The following AJAP1 variants were observed in gnomAD, a reference collection of about 807,000 sequenced individuals.
The protein encoded by AJAP1 is adherens junction-associated protein 1.
A neutral mutation model predicts 35.0 loss-of-function variants in AJAP1; 5 were observed. That is an observed-to-expected ratio of 0.14 (90% CI 0.07 to 0.30). AJAP1 has a LOEUF of 0.30. Ranked by LOEUF, AJAP1 falls within the 10% of genes least tolerant of loss-of-function variation. The pLI, the probability that AJAP1 is intolerant of heterozygous loss-of-function variation, is 1.00. For synonymous variants in AJAP1, 284 were observed against 249.3 expected, an observed-to-expected ratio of 1.14 and a Z score of -1.31; for missense variants, 586 against 571.0, an observed-to-expected ratio of 1.03 and a Z score of -0.27.
Position 4,784,245 on chromosome 1 carries a change from G to A in AJAP1, c.*1760G>A, listed in dbSNP as rs552016059. 6.6e-6 allele frequency: 1 copy of A among 152,294 alleles called. No individual in the cohort carries two copies. 9.4% of individuals were successfully genotyped at this position (152,294 alleles called of 1,614,324 possible). The stretch of plus-strand genomic sequence containing the variant: ...TGGTGCCCCAGACTTGCTGTCAACA[G>A]CGGGTGCTGTAGGGATCTAGGGATG... On this transcript the variant is annotated 3_prime_UTR_variant, in exon 6 of 6. Coordinates refer to ENST00000378191, the MANE Select transcript of AJAP1 (RefSeq NM_018836.4).
At chr1:4,753,815 G>A (rs1239320027) in intron 2 of AJAP1, among the ~76,000 whole-genome samples, 10 of 152,220 alleles carry the variant, frequency 6.6e-5, no homozygotes, top group East Asian at 1.9e-4. Flanking sequence ...CAGGTGATCC[G>A]CCCACCTCAG....
At chr1:4,669,598 T>C (rs1639207447) in intron 1 of AJAP1, among the ~76,000 whole-genome samples, 1 of 152,178 alleles carries the variant, frequency 6.6e-6, no homozygotes, top group Non-Finnish European at 1.5e-5. Flanking sequence ...GGTCCCGCCC[T>C]TGATTGTGGG....
At chr1:4,769,364 C>A (rs942564919) in intron 2 of AJAP1, among the ~76,000 whole-genome samples, 1 of 152,174 alleles carries the variant, frequency 6.6e-6, no homozygotes, top group East Asian at 1.9e-4. Flanking sequence ...CCCATCCTGG[C>A]TCCCCCTGGG....
At chr1:4,738,653 C>A (rs377231567) in intron 2 of AJAP1, among the ~76,000 whole-genome samples, 1 of 152,122 alleles carries the variant, frequency 6.6e-6, no homozygotes, top group South Asian at 2.1e-4. Flanking sequence ...TAGGAGAAGC[C>A]GCTGGAGGGT....
Position 4,784,694 on chromosome 1 carries a change from C to T in AJAP1, c.*2209C>T, listed in dbSNP as rs1019078041. On this transcript the variant is annotated 3_prime_UTR_variant, in exon 6 of 6. Coordinates refer to ENST00000378191, the MANE Select transcript of AJAP1 (RefSeq NM_018836.4). ...TGCTCACAAATTAGGAAAAGTTGTT[C>T]TTTAGTTTTTGTTCTGTCATTTATT... 1 of 152,228 alleles carries T rather than the reference C, an allele frequency of 6.6e-6. No homozygotes were observed. The highest frequency in any genetic ancestry group is 2.4e-5 in the African/African-American group (1 of 41,446). 9.4% of individuals were successfully genotyped at this position (152,228 alleles called of 1,614,324 possible).
intron 1 of AJAP1, among the ~76,000 whole-genome samples, chr1:4,684,165 A>G (rs1411029651): frequency 1.3e-5 from 2 of 152,164 alleles, no homozygotes; most frequent in Admixed American, 6.5e-5. Context: ...AGGTTGAGCA[A>G]ATGTTGCTGC....
At chr1:4,679,742 C>T (rs894963122) in intron 1 of AJAP1, among the ~76,000 whole-genome samples, 1 of 151,568 alleles carries the variant, frequency 6.6e-6, no homozygotes, top group Admixed American at 6.6e-5. Context: ...CACATGTGTC[C>T]TTGCCTCTTC....
intron 1 of AJAP1, among the ~76,000 whole-genome samples, chr1:4,674,159 A>G (rs1434736894): frequency 2.0e-5 from 3 of 151,992 alleles, no homozygotes; most frequent in Non-Finnish European, 2.9e-5. Context: ...GAGACTGCAA[A>G]TCGGCCAAGA....
intron 2 of AJAP1, among the ~76,000 whole-genome samples, chr1:4,724,902 C>G (rs1009471317): frequency 6.6e-6 from 1 of 152,172 alleles, no homozygotes; most frequent in Non-Finnish European, 1.5e-5. Context: ...TCACTGATGC[C>G]CACACTGGAG....
At chr1:4,706,278 C>A (rs543465522) in intron 1 of AJAP1, among the ~76,000 whole-genome samples, 1 of 152,142 alleles carries the variant, frequency 6.6e-6, no homozygotes, top group African/African-American at 2.4e-5. Context: ...TTGTTTCTAG[C>A]GGTGCCCTGT....
rs1304323158 is a variant in AJAP1 at position 4,655,640 on chromosome 1, G to A, written c.29+186G>A. 6.6e-6 allele frequency among the ~76,000 whole-genome samples: 1 copy of A among 151,318 alleles called. No homozygotes were observed. The highest frequency in any genetic ancestry group is 2.4e-5 in the African/African-American group (1 of 41,346). ...CCTGGAGCAGCACCGCGGCCCTGGC[G>A]GGGAGCGGCCGGGTCTCCAGGGTTC... On this transcript the variant is annotated intron_variant, in intron 1 of 5. Coordinates refer to ENST00000378191, the MANE Select transcript of AJAP1 (RefSeq NM_018836.4). This position sits in a 1 kb window ranked among gnomAD's most constrained non-coding sequence, Gnocchi z 6.9.
chr1:4,770,576 C>T (rs1048437980), intron 3 of AJAP1, among the ~76,000 whole-genome samples: 2 of 152,204 alleles, frequency 1.3e-5, no homozygotes, highest in Non-Finnish European at 2.9e-5. Context: ...TTGGGGACCT[C>T]ACCTGCCTGC....
intron 2 of AJAP1, among the ~76,000 whole-genome samples, chr1:4,728,558 C>A (rs758950762): frequency 2.0e-5 from 3 of 152,182 alleles, no homozygotes; most frequent in African/African-American, 7.2e-5. Context: ...TTGCTGTCGC[C>A]GTGGGGGCCT....
chr1:4,727,822 C>T (rs1488003971), intron 2 of AJAP1, among the ~76,000 whole-genome samples: 2 of 152,320 alleles, frequency 1.3e-5, no homozygotes, highest in South Asian at 2.1e-4. Flanking sequence ...GAAGTGAGGG[C>T]GGCCCCTGTC....
intron 1 of AJAP1, among the ~76,000 whole-genome samples, chr1:4,662,700 T>G (rs1355597669): frequency 1.3e-5 from 2 of 152,228 alleles, no homozygotes; most frequent in Non-Finnish European, 2.9e-5. Flanking sequence ...GGTCCAGCTC[T>G]GGGGTGGGAT....
chr1:4,719,881 G>A (rs551996460), intron 2 of AJAP1, among the ~76,000 whole-genome samples: 22 of 152,276 alleles, frequency 1.4e-4, no homozygotes, highest in African/African-American at 4.8e-4. Context: ...ACCCAGCAGT[G>A]AGCTCAGTGG....
At chr1:4,689,190 G>C (rs982273100) in intron 1 of AJAP1, among the ~76,000 whole-genome samples, 1 of 152,130 alleles carries the variant, frequency 6.6e-6, no homozygotes, top group African/African-American at 2.4e-5. Flanking sequence ...GAAACACACC[G>C]ACGTCCTCGC....
intron 2 of AJAP1, among the ~76,000 whole-genome samples, chr1:4,747,540 C>G (rs1338637943): frequency 6.6e-6 from 1 of 152,240 alleles, no homozygotes; most frequent in Non-Finnish European, 1.5e-5. Context: ...CTGAACCATC[C>G]TCCCACTTGT....
chr1:4,716,201 A>C (rs1640385460), intron 2 of AJAP1, among the ~76,000 whole-genome samples: 1 of 152,176 alleles, frequency 6.6e-6, no homozygotes, highest in South Asian at 2.1e-4. Flanking sequence ...GGAATGATTA[A>C]AGGGTCCCCT....
Sources: allele counts gnomAD v4.1 joint callset (sites outside exome capture counted in the v4.1 genomes callset), GRCh38; gene constraint gnomAD v4.1.1; non-coding constraint Gnocchi (gnomAD v3.1); transcripts MANE v1.5; gene names NCBI Gene and HGNC (gene_info 2026-07-23, HGNC 2026-07-21).